The following FOXN2 variants were observed in gnomAD, a reference collection of about 807,000 sequenced individuals.
The protein encoded by FOXN2 is forkhead box protein N2.
A neutral mutation model predicts 41.2 loss-of-function variants in FOXN2; 19 were observed. That is an observed-to-expected ratio of 0.46 (90% confidence interval 0.32 to 0.68). The LOEUF (loss-of-function observed/expected upper bound fraction) is 0.68, where lower values mean the gene tolerates loss of function less well. Ranked by LOEUF, FOXN2 falls within the 30% of genes least tolerant of loss-of-function variation. The pLI, the probability that FOXN2 is intolerant of heterozygous loss-of-function variation, is 0.03. For synonymous variants in FOXN2, 195 were observed against 176.8 expected (o/e 1.10, Z -0.82); for missense variants, 587 against 509.4 (o/e 1.15, Z -1.47).
chr2:48,356,406 A>G (rs56163539), intron 3 of FOXN2, among the ~76,000 whole-genome samples: 66,526 of 151,914 alleles, frequency 0.44, 14,676 homozygotes, highest in South Asian at 0.49. Context: ...GCGCCACTGC[A>G]CTCCAGCCTG....
chr2:48,363,987 A>G lies in FOXN2; in HGVS notation c.703+1280A>G, dbSNP rs551470805. 2.8e-4 allele frequency among the ~76,000 whole-genome samples: 42 copies of G among 152,306 alleles called. 1 individual carries two copies. The South Asian group carries it at 8.1e-3, about 29-fold the overall frequency. ...CATGTTGCCCACACTGATCTTCTGAATGCCTGGGCTCAAGTGATCTCCTAC... is the reference window on the plus strand; with the variant it reads ...CATGTTGCCCACACTGATCTTCTGAGTGCCTGGGCTCAAGTGATCTCCTAC... On this transcript the variant is annotated intron_variant, in intron 5 of 6. Coordinates refer to ENST00000340553, the MANE Select transcript of FOXN2 (RefSeq NM_002158.4).
intron 1 of FOXN2, among the ~76,000 whole-genome samples, chr2:48,315,533 G>C (rs538994036): frequency 6.6e-5 from 10 of 152,186 alleles, no homozygotes; most frequent in African/African-American, 2.4e-4. Context: ...CTCCTTTGGG[G>C]CCGTGGTTAC....
chr2:48,347,375 G>T (rs1458264461), intron 3 of FOXN2, among the ~76,000 whole-genome samples: 1 of 151,696 alleles, frequency 6.6e-6, no homozygotes, highest in Non-Finnish European at 1.5e-5. Flanking sequence ...CTACAGGTGT[G>T]TGCCACCACG....
Position 48,379,199 on chromosome 2 carries a change from C to T in FOXN2, c.*3756C>T, listed in dbSNP as rs968250574. On this transcript the variant is annotated 3_prime_UTR_variant, in exon 7 of 7. Coordinates refer to ENST00000340553, the MANE Select transcript of FOXN2 (RefSeq NM_002158.4). ...CAAATACTTAGTTTTTGTATCTAAT[C>T]TCTGATTATTAAAATGTTTATAAAG... 2 of 152,538 alleles carry T rather than the reference C, an allele frequency of 1.3e-5. No homozygotes were observed. The highest frequency in any genetic ancestry group is 2.1e-4 in the South Asian group (1 of 4,822). 9.4% of individuals were successfully genotyped at this position (152,538 alleles called of 1,614,324 possible).
intron 2 of FOXN2, among the ~76,000 whole-genome samples, chr2:48,343,388 A>G (rs1670894088): frequency 6.6e-6 from 1 of 152,166 alleles, no homozygotes; most frequent in South Asian, 2.1e-4. Flanking sequence ...GTTCATTTCC[A>G]TCTGAAATAA....
chr2:48,348,417 A>T (rs1671249003), intron 3 of FOXN2, among the ~76,000 whole-genome samples: 1 of 152,016 alleles, frequency 6.6e-6, no homozygotes. Context: ...TCCCCACTAG[A>T]TCCATAAACA....
At chr2:48,358,984 A>T in intron 3 of FOXN2, 63 bp from the exon 4 acceptor site, 7 of 1,282,746 alleles carry the variant, frequency 5.5e-6, no homozygotes, top group Non-Finnish European at 7.8e-6. Context: ...TTTATTTAAA[A>T]CATTTAGACG....
At position 48,374,959 on chromosome 2, in the gene FOXN2, A is replaced by G; in HGVS notation, c.812A>G (p.Lys271Arg). Residue 271 changes from lysine to arginine, a missense_variant, in exon 7 of 7, where the codon AAG becomes AGG. Lys to Arg is a conservative substitution (Grantham distance 26, BLOSUM62 2). Coordinates refer to ENST00000340553, the MANE Select transcript of FOXN2 (RefSeq NM_002158.4). The stretch of plus-strand genomic sequence containing the variant: ...CCTCTTAAAACAGCATTGCAAAAAA[A>G]GAGGAGTTACGGCAATGCATTTCAT... The part of the protein sequence containing the change: ...PLPLKTALQK[K>R]RSYGNAFHHP... The G allele has an allele frequency of 6.2e-7, 1 of 1,613,276 alleles. No homozygotes were observed. Among genetic ancestry groups the G allele is most frequent in the South Asian group, 1.1e-5 (1 of 91,048 alleles).
Position 48,375,127 on chromosome 2 carries a change from A to T in FOXN2, c.980A>T (p.Asp327Val). ...AGCGTGTCTTCCCTGTCTTCTGTGG[A>T]TGAGGTATATGAATTTATCCCAAAG... The part of the protein sequence containing the change: ...RSSVSSLSSV[D>V]EVYEFIPKNS... Residue 327 changes from aspartate to valine, a missense_variant, in exon 7 of 7, where the codon GAT (aspartate) becomes GTT (valine). Transcript: ENST00000340553. The T allele has an allele frequency of 6.2e-7, 1 of 1,614,096 alleles. No homozygotes were observed. The highest frequency in any genetic ancestry group is 8.5e-7 in the Non-Finnish European group (1 of 1,179,960).
At chr2:48,324,793 T>G (rs1669556462) in intron 1 of FOXN2, among the ~76,000 whole-genome samples, 1 of 152,190 alleles carries the variant, frequency 6.6e-6, no homozygotes, top group African/African-American at 2.4e-5. Context: ...ATTGTTTATT[T>G]TGGTCTCTTA....
At position 48,356,745 on chromosome 2, in the gene FOXN2, C is replaced by T. The variant is rs755576682; in HGVS notation, c.538-2302C>T. 3.3e-5 allele frequency among the ~76,000 whole-genome samples: 5 copies of T among 152,152 alleles called. No individual in the cohort carries two copies. In the East Asian group the frequency reaches 7.7e-4, roughly 23 times the overall value. The stretch of plus-strand genomic sequence containing the variant: ...ATAAAAACATTTTAGGAATAATGAA[C>T]GTTGCCTTTTCTCCCAATCTAGTCT... On this transcript the variant is annotated intron_variant, in intron 3 of 6. Transcript: ENST00000340553.
At chr2:48,356,396 G>T (rs533514189) in intron 3 of FOXN2, among the ~76,000 whole-genome samples, 1 of 152,006 alleles carries the variant, frequency 6.6e-6, no homozygotes, top group Non-Finnish European at 1.5e-5. Flanking sequence ...AGCCGAGATC[G>T]CGCCACTGCA....
At chr2:48,335,312 A>T (rs944636276) in intron 2 of FOXN2, among the ~76,000 whole-genome samples, 2 of 152,008 alleles carry the variant, frequency 1.3e-5, no homozygotes, top group African/African-American at 4.8e-5. Context: ...AATTCAGTGG[A>T]TAGGTATAAA....
chr2:48,349,708 C>A (rs1171946094), intron 3 of FOXN2, among the ~76,000 whole-genome samples: 2 of 152,138 alleles, frequency 1.3e-5, no homozygotes, highest in Non-Finnish European at 2.9e-5. Flanking sequence ...CTGTGGTGAG[C>A]CTAGATCGTG....
At position 48,375,302 on chromosome 2, in the gene FOXN2, G is replaced by T; in HGVS notation, c.1155G>T (p.Met385Ile). 2 of 1,613,954 alleles carry T rather than the reference G, an allele frequency of 1.2e-6. No individual in the cohort carries two copies. Among genetic ancestry groups the T allele is most frequent in the African/African-American group, 2.7e-5 (2 of 75,050 alleles). Residue 385 changes from methionine (M) to isoleucine (I), a missense_variant, in exon 7 of 7, where the codon ATG (methionine) becomes ATT (isoleucine). By Grantham distance (10) the Met-to-Ile change is conservative. Coordinates refer to ENST00000340553, the MANE Select transcript of FOXN2 (RefSeq NM_002158.4). ...ISEKGQSGKK[M>I]RKQTCQEIDE... ...AAAAAGGGCAGTCAGGCAAAAAGAT[G>T]CGAAAACAGACATGTCAAGAAATTG...
In FOXN2 at chr2:48,346,111, C is replaced by T. The variant is rs889238934; in HGVS notation, c.-14-90C>T. 12 of 1,167,790 alleles carry T rather than the reference C, an allele frequency of 1.0e-5. No individual in the cohort carries two copies. The African/African-American group carries it at 1.7e-4, about 17-fold the overall frequency. The allele number at this position is 1,167,790 out of a possible 1,614,324, so 72.3% of individuals were successfully genotyped here. A position where few individuals can be genotyped will look rare whatever the true frequency, so the allele number is the denominator to read the frequency against. The stretch of plus-strand genomic sequence containing the variant: ...TGGGACAATTGATTGCAAAATTTCT[C>T]TGATTTGGGGATATTTACATATGTA... On this transcript the variant is annotated intron_variant, in intron 2 of 6. Coordinates refer to ENST00000340553, the MANE Select transcript of FOXN2 (RefSeq NM_002158.4).
chr2:48,319,785 ATTTTTTTTT>A lies in FOXN2; in HGVS notation c.-157+4989_-157+4997del, dbSNP rs545797179. ...TCCACCACCCCTGGCTAATTTTTTA[ATTTTTTTTT>A]TTTTTTTTTTTTTTTTTGGTAGAGG... On this transcript the variant is annotated intron_variant, in intron 1 of 6. Transcript: ENST00000340553. 6.6e-4 allele frequency among the ~76,000 whole-genome samples: 65 copies of A among 98,756 alleles called. 1 individual carries two copies. The highest frequency in any genetic ancestry group is 2.4e-3 in the African/African-American group (61 of 25,182). The allele number at this position is 98,756 out of a possible 152,430, so 64.8% of individuals were successfully genotyped here. A position where few individuals can be genotyped will look rare whatever the true frequency, so the allele number is the denominator to read the frequency against.
intron 5 of FOXN2, among the ~76,000 whole-genome samples, chr2:48,366,662 A>G (rs61062762): frequency 0.19 from 28,930 of 152,086 alleles, 3,021 homozygotes; most frequent in South Asian, 0.27. Context: ...CTTTGCATGC[A>G]TTATCTAATT....
intron 1 of FOXN2, among the ~76,000 whole-genome samples, chr2:48,317,448 C>CA (rs373440536): frequency 0.25 from 34,790 of 141,918 alleles, 4,300 homozygotes; most frequent in South Asian, 0.4. Flanking sequence ...AACTCTGTCT[C>CA]AAAAAAAAAA....
Sources: gnomAD v4.1 joint callset for allele counts (sites outside exome capture counted in the v4.1 genomes callset) on GRCh38, gnomAD v4.1.1 for gene constraint, MANE v1.5 for transcripts, NCBI Gene and HGNC (gene_info 2026-07-23, HGNC 2026-07-21) for gene names.